The following FGF2 variants were observed in gnomAD, a reference collection of about 807,000 sequenced individuals.
FGF2 encodes the protein fibroblast growth factor 2.
Under a neutral mutation model 15.9 loss-of-function variants are expected in FGF2, and 13 were observed. The observed-to-expected ratio is 0.82, with a 90% CI of 0.53 to 1.30. The LOEUF is 1.30. FGF2 is among the 50% of genes most tolerant of loss of function. The pLI is 0.00. For missense variants in FGF2, 163 were observed against 196.9 expected (o/e 0.83, Z 1.03); for synonymous variants, 90 against 78.4 (o/e 1.15, Z -0.78).
At position 122,893,152 on chromosome 4, in the gene FGF2, C is replaced by A. The variant is rs1331213636; in HGVS notation, c.*756C>A. 1 of 1,614,138 alleles carries A rather than the reference C, an allele frequency of 6.2e-7. No individual in the cohort carries two copies. The highest frequency in any genetic ancestry group is 8.5e-7 in the Non-Finnish European group (1 of 1,180,024). ...AAGCTCCAGGATTTGTGTGCTGTTG[C>A]CGAATACTCAGGACGGACCTGAATT... On this transcript the variant is annotated 3_prime_UTR_variant, in exon 3 of 3. Coordinates refer to ENST00000644866, the MANE Select transcript of FGF2 (RefSeq NM_001361665.2).
intron 1 of FGF2, among the ~76,000 whole-genome samples, chr4:122,839,887 G>T (rs1560738091): frequency 6.6e-6 from 1 of 152,160 alleles, no homozygotes; most frequent in South Asian, 2.1e-4. Context: ...AGTTCTGGAG[G>T]CTGGAAGTCC....
chr4:122,887,644 G>T (rs749721124), intron 2 of FGF2, among the ~76,000 whole-genome samples: 1 of 152,088 alleles, frequency 6.6e-6, no homozygotes. Flanking sequence ...CCCTACAAGG[G>T]GTCAAACTGC....
Position 122,827,419 on chromosome 4 carries a change from C to T in FGF2, c.178+67C>T. The T allele has an allele frequency of 6.5e-7, 1 of 1,543,210 alleles. No homozygotes were observed. The highest frequency in any genetic ancestry group is 8.9e-7 in the Non-Finnish European group (1 of 1,120,202). ...GGGTTCTCGCCCGCTCTCTCCCCTC[C>T]AGCCTGCACCCTCCTCCCGGATCTT... is the stretch of plus-strand genomic sequence containing the variant. On this transcript the variant is annotated intron_variant, in intron 1 of 2. Transcript: ENST00000644866. This position sits in a 1 kb window ranked among gnomAD's most constrained non-coding sequence, Gnocchi z 4.2.
intron 1 of FGF2, among the ~76,000 whole-genome samples, chr4:122,853,846 T>C (rs1449295442): frequency 6.6e-6 from 1 of 152,186 alleles, no homozygotes; most frequent in Non-Finnish European, 1.5e-5. Context: ...AAATGGACAA[T>C]ATTGATAGGA....
intron 2 of FGF2, chr4:122,884,497 A>C (rs1159447179): frequency 1.3e-5 from 2 of 152,252 alleles, no homozygotes; most frequent in African/African-American, 4.8e-5. Context: ...TCCATCTCAA[A>C]AAAATAAAAA....
chr4:122,887,185 G>A (rs184363816), intron 2 of FGF2, among the ~76,000 whole-genome samples: 37 of 152,056 alleles, frequency 2.4e-4, no homozygotes, highest in African/African-American at 7.2e-4. Context: ...GTGGTGGTGC[G>A]CACCTGTAAT....
intron 2 of FGF2, among the ~76,000 whole-genome samples, chr4:122,885,700 A>C (rs183615616): frequency 1.3e-5 from 2 of 152,256 alleles, no homozygotes; most frequent in East Asian, 3.9e-4. Flanking sequence ...TGTTATTATT[A>C]GCTAAAGTCC....
chr4:122,877,116 CTTTTTT>C (rs113041646), intron 2 of FGF2, among the ~76,000 whole-genome samples: 1 of 142,732 alleles, frequency 7.0e-6, no homozygotes, highest in Non-Finnish European at 1.5e-5. Flanking sequence ...TTTTTTTTTT[CTTTTTT>C]TTTTTGAGAT....
intron 2 of FGF2, among the ~76,000 whole-genome samples, chr4:122,878,152 A>G (rs1726893944): frequency 6.6e-6 from 1 of 152,220 alleles, no homozygotes; most frequent in Admixed American, 6.5e-5. Context: ...ATTTATAATA[A>G]TGTATAAGGG....
intron 1 of FGF2, among the ~76,000 whole-genome samples, chr4:122,830,818 A>G (rs1245441085): frequency 8.5e-6 from 1 of 118,122 alleles, no homozygotes; most frequent in Non-Finnish European, 1.7e-5. Context: ...CTTATTTACA[A>G]AAAAAAAAAA....
At chr4:122,867,180 A>G (rs139672635) in intron 1 of FGF2, among the ~76,000 whole-genome samples, 1 of 152,244 alleles carries the variant, frequency 6.6e-6, no homozygotes, top group African/African-American at 2.4e-5. Context: ...TAAAGAATGT[A>G]GGGTGACGAA....
At position 122,863,209 on chromosome 4, in the gene FGF2, C is replaced by T. The variant is rs544139903; in HGVS notation, c.179-13112C>T. ...CTGTCTTCCCCAATGAAAGTGTAGACTTATTTCAGTCACTTCTTTATTTTT... is the reference window on the plus strand; with the variant it reads ...CTGTCTTCCCCAATGAAAGTGTAGATTTATTTCAGTCACTTCTTTATTTTT... On this transcript the variant is annotated intron_variant, in intron 1 of 2. Coordinates refer to ENST00000644866, the MANE Select transcript of FGF2 (RefSeq NM_001361665.2). Among the ~76,000 whole-genome samples the T allele has an allele frequency of 4.6e-5, 7 of 152,246 alleles. No individual in the cohort carries two copies. In the East Asian group the frequency reaches 1.3e-3, roughly 29 times the overall value.
intron 1 of FGF2, among the ~76,000 whole-genome samples, chr4:122,866,903 C>T (rs946821628): frequency 2.0e-5 from 3 of 152,140 alleles, no homozygotes; most frequent in Non-Finnish European, 1.5e-5. Context: ...ACGTTATTTA[C>T]GTAGCCAAAA....
chr4:122,843,292 G>T (rs990394683), intron 1 of FGF2, among the ~76,000 whole-genome samples: 2 of 152,222 alleles, frequency 1.3e-5, no homozygotes, highest in Non-Finnish European at 2.9e-5. Context: ...AGGCCAAGGA[G>T]GCAGGGCCAG....
intron 1 of FGF2, among the ~76,000 whole-genome samples, chr4:122,835,474 C>T (rs1271338702): frequency 6.6e-6 from 1 of 152,026 alleles, no homozygotes; most frequent in Non-Finnish European, 1.5e-5. Flanking sequence ...TTTCCCACTG[C>T]TTGGAGGGCA....
intron 2 of FGF2, among the ~76,000 whole-genome samples, chr4:122,880,218 G>A (rs960151612): frequency 6.6e-6 from 1 of 151,136 alleles, no homozygotes; most frequent in Admixed American, 6.6e-5. Flanking sequence ...CCCTATGCAA[G>A]TCTGAAATCC....
intron 1 of FGF2, among the ~76,000 whole-genome samples, chr4:122,861,079 T>C (rs757939182): frequency 6.6e-6 from 1 of 152,212 alleles, no homozygotes; most frequent in Non-Finnish European, 1.5e-5. Flanking sequence ...TTGCTCTACA[T>C]CCTATACTTC....
At chr4:122,872,846 G>A (rs1394755410) in intron 1 of FGF2, among the ~76,000 whole-genome samples, 2 of 152,112 alleles carry the variant, frequency 1.3e-5, no homozygotes, top group African/African-American at 4.8e-5. Flanking sequence ...GTCACCACCA[G>A]GCCTGCCTTA....
intron 1 of FGF2, among the ~76,000 whole-genome samples, chr4:122,840,953 G>C (rs965441776): frequency 6.6e-6 from 1 of 152,084 alleles, no homozygotes; most frequent in African/African-American, 2.4e-5. Context: ...TAGTAAGCTT[G>C]ATACAGATCT....
Sources: allele counts gnomAD v4.1 joint callset (sites outside exome capture counted in the v4.1 genomes callset), GRCh38; gene constraint gnomAD v4.1.1; non-coding constraint Gnocchi (gnomAD v3.1); transcripts MANE v1.5; gene names NCBI Gene and HGNC (gene_info 2026-07-23, HGNC 2026-07-21).